The following PITPNM3 variants were observed in gnomAD, a reference collection of about 807,000 sequenced individuals.
PITPNM3 encodes membrane-associated phosphatidylinositol transfer protein 3.
In PITPNM3, 26 loss-of-function variants were observed where a neutral mutation model predicts 102.0. The ratio of observed to expected loss-of-function variants is 0.25; its 90% CI spans 0.19 to 0.35. PITPNM3 has a LOEUF of 0.35. Ranked by LOEUF, PITPNM3 falls within the 10% of genes least tolerant of loss-of-function variation. The pLI, the probability that PITPNM3 is intolerant of heterozygous loss-of-function variation, is 1.00. For synonymous variants in PITPNM3, 578 were observed against 558.6 expected (o/e 1.03, Z -0.49); for missense variants, 1,083 against 1,346.1 (o/e 0.80, Z 3.06).
At chr17:6,476,988 C>T in intron 9 of PITPNM3, 41 bp downstream of exon 9, 1 of 1,608,726 alleles carries the variant, frequency 6.2e-7, no homozygotes, top group Non-Finnish European at 8.5e-7. Flanking sequence ...CCAGTTGGCT[C>T]TGAGCCAAGG....
chr17:6,471,603 A>G (rs1170454856), intron 11 of PITPNM3, among the ~76,000 whole-genome samples: 1 of 152,184 alleles, frequency 6.6e-6, no homozygotes, highest in Non-Finnish European at 1.5e-5. Flanking sequence ...AGTTATGCAG[A>G]CACAAGCTGG....
At position 6,474,397 on chromosome 17, in the gene PITPNM3, C is replaced by T. The variant is rs200314452; in HGVS notation, c.1258+35G>A. 561 of 1,607,420 alleles carry T rather than the reference C, an allele frequency of 3.5e-4. 3 individuals are homozygous for T. In the African/African-American group the frequency reaches 6.4e-3, roughly 18 times the overall value. On this transcript the variant is annotated intron_variant, in intron 10 of 19. Coordinates refer to ENST00000262483, the MANE Select transcript of PITPNM3 (RefSeq NM_031220.4). ...CTGACACGGTGGCCCTAGTGACGCACAGGCACCTCAGGCCCCAGCCCACAC... is the reference window on the plus strand; with the variant it reads ...CTGACACGGTGGCCCTAGTGACGCATAGGCACCTCAGGCCCCAGCCCACAC...
chr17:6,462,659 C>A (rs910825321), intron 17 of PITPNM3, among the ~76,000 whole-genome samples: 10 of 152,168 alleles, frequency 6.6e-5, no homozygotes, highest in African/African-American at 2.4e-4. Context: ...CAGGTAAGCC[C>A]AGACCTGGTT....
intron 3 of PITPNM3, among the ~76,000 whole-genome samples, chr17:6,524,184 G>T (rs994370395): frequency 6.6e-6 from 1 of 152,218 alleles, no homozygotes; most frequent in Non-Finnish European, 1.5e-5. Flanking sequence ...CCGTTCCCGT[G>T]GGCTGGGCCA....
chr17:6,503,167 C>T (rs756731906), intron 4 of PITPNM3, among the ~76,000 whole-genome samples: 28 of 152,180 alleles, frequency 1.8e-4, no homozygotes, highest in Non-Finnish European at 1.0e-4. Context: ...TTCCCCATCC[C>T]CGTCCTCCTC....
At chr17:6,462,788 C>A (rs1370895836) in intron 17 of PITPNM3, among the ~76,000 whole-genome samples, 6 of 152,150 alleles carry the variant, frequency 3.9e-5, no homozygotes. Flanking sequence ...GCAGGGATCA[C>A]CCCTAGGGAT....
At chr17:6,507,273 G>A (rs893531411) in intron 3 of PITPNM3, among the ~76,000 whole-genome samples, 2 of 152,086 alleles carry the variant, frequency 1.3e-5, no homozygotes, top group African/African-American at 4.8e-5. Context: ...GCACTGTCCC[G>A]TCAGACTTCA....
At chr17:6,535,762 T>C (rs1027321445) in intron 2 of PITPNM3, among the ~76,000 whole-genome samples, 16 of 139,266 alleles carry the variant, frequency 1.1e-4, no homozygotes, top group South Asian at 4.6e-4. Flanking sequence ...CTACTAAAAA[T>C]AAAAAAAAAA....
At position 6,486,949 on chromosome 17, in the gene PITPNM3, C is replaced by T. The variant is rs746088663; in HGVS notation, c.275-2657G>A. 1.3e-5 allele frequency among the ~76,000 whole-genome samples: 2 copies of T among 152,334 alleles called. 1 individual carries two copies. On this transcript the variant is annotated intron_variant, in intron 4 of 19. Coordinates refer to ENST00000262483, the MANE Select transcript of PITPNM3 (RefSeq NM_031220.4). The stretch of plus-strand genomic sequence containing the variant: ...CAATCAACCTATGTCACTTGCCCCA[C>T]GTACCTTAAAGGTTAAAGCCCAGGT...
chr17:6,465,274 G>A (rs776235543), intron 14 of PITPNM3, among the ~76,000 whole-genome samples: 1 of 152,026 alleles, frequency 6.6e-6, no homozygotes, highest in African/African-American at 2.4e-5. Context: ...TCGAACTCCC[G>A]ACCTCAGGTG....
intron 16 of PITPNM3, 134 bp downstream of exon 16, chr17:6,464,036 C>T: frequency 6.5e-7 from 1 of 1,544,596 alleles, no homozygotes; most frequent in Non-Finnish European, 8.9e-7. Context: ...GTGACCTCTC[C>T]CATCCACCTC....
At chr17:6,504,466 C>T (rs1218308272) in intron 3 of PITPNM3, among the ~76,000 whole-genome samples, 1 of 152,238 alleles carries the variant, frequency 6.6e-6, no homozygotes, top group Non-Finnish European at 1.5e-5. Flanking sequence ...CCTGCCAGGG[C>T]CATCTTCATG....
At chr17:6,477,360 AT>A (rs1248969420) in intron 8 of PITPNM3, 147 bp from the exon 9 acceptor site, 36 of 855,080 alleles carry the variant, frequency 4.2e-5, no homozygotes, top group Non-Finnish European at 5.8e-5. Flanking sequence ...AGGAAGCCAC[AT>A]TGCAATCATG....
intron 14 of PITPNM3, 46 bp from the exon 15 acceptor site, chr17:6,464,817 C>A: frequency 2.5e-6 from 4 of 1,585,292 alleles, no homozygotes; most frequent in Non-Finnish European, 3.5e-6. Context: ...AAGGGAGGCT[C>A]AACCTTGCTT....
chr17:6,543,140 C>T (rs1480724143), intron 1 of PITPNM3, among the ~76,000 whole-genome samples: 2 of 152,348 alleles, frequency 1.3e-5, no homozygotes, highest in African/African-American at 4.8e-5. Flanking sequence ...GCCAGCACAG[C>T]TCCGAGCTGG....
Position 6,474,578 on chromosome 17 carries a change from T to C in PITPNM3, c.1112A>G (p.Glu371Gly). 6.3e-7 allele frequency: 1 copy of C among 1,581,158 alleles called. No homozygotes were observed. Among genetic ancestry groups the C allele is most frequent in the Non-Finnish European group, 8.6e-7 (1 of 1,164,334 alleles). Residue 371 changes from glutamate to glycine, a missense_variant, in exon 10 of 20, where the codon GAG (glutamate) becomes GGG (glycine). This residue lies in a region of PITPNM3 where 172 missense variants were observed against 175.6 expected (regional missense o/e 0.98). Transcript: ENST00000262483. The stretch of plus-strand genomic sequence containing the variant: ...CCCCCCAGCCGCCGGGGTCTCAGAC[T>C]CATCCTTTAGCACGCTGGAGTGGAT... The part of the protein sequence containing the change: ...SSIHSSVLKD[E>G]SETPAAGGPQ...
In PITPNM3 at chr17:6,454,064, G is replaced by A. The variant is rs1913976382; in HGVS notation, c.*1274C>T. On this transcript the variant is annotated 3_prime_UTR_variant, in exon 20 of 20. Coordinates refer to ENST00000262483, the MANE Select transcript of PITPNM3 (RefSeq NM_031220.4). The stretch of plus-strand genomic sequence containing the variant: ...GTTATGGGCACAAACTGAGCAGCAG[G>A]GGAAAGGGAAGAGAATACAACAGTT... 6.6e-6 allele frequency: 1 copy of A among 152,500 alleles called. No homozygotes were observed. The highest frequency in any genetic ancestry group is 2.4e-5 in the African/African-American group (1 of 41,472). The allele number at this position is 152,500 out of a possible 1,614,324, so 9.4% of individuals were successfully genotyped here. A position where few individuals can be genotyped will look rare whatever the true frequency, so the allele number is the denominator to read the frequency against.
chr17:6,464,956 C>T (rs1316630058), intron 14 of PITPNM3, among the ~76,000 whole-genome samples, 185 bp from the exon 15 acceptor site: 7 of 152,198 alleles, frequency 4.6e-5, no homozygotes, highest in Non-Finnish European at 4.4e-5. Context: ...GACCGTGAGT[C>T]CCCCAAACGC....
Position 6,464,712 on chromosome 17 carries a change from G to A in PITPNM3, c.1950C>T (p.Val650=). ...GCCCGTACATGAACCGCCCCACCAGGACCTGGGGGCCATCTTCAGCAGCAA... is the reference window on the plus strand; with the variant it reads ...GCCCGTACATGAACCGCCCCACCAGAACCTGGGGGCCATCTTCAGCAGCAA... ...DVIAAEDGPQ[V]LVGRFMYGPL... is the part of the protein sequence containing the mutation. Residue 650 remains valine (V), a synonymous_variant, in exon 15 of 20, where the codon GTC becomes GTT. Coordinates refer to ENST00000262483, the MANE Select transcript of PITPNM3 (RefSeq NM_031220.4). The A allele has an allele frequency of 6.2e-7, 1 of 1,614,192 alleles. No individual in the cohort carries two copies.
Sources: allele counts gnomAD v4.1 joint callset (sites outside exome capture counted in the v4.1 genomes callset), GRCh38; gene constraint gnomAD v4.1.1; regional missense constraint gnomAD v4.1.1; transcripts MANE v1.5; gene names NCBI Gene and HGNC (gene_info 2026-07-23, HGNC 2026-07-21).